ZNF567: variants seen among roughly 807,000 people sequenced by gnomAD.
The protein encoded by ZNF567 is zinc finger protein 567.
A neutral mutation model predicts 53.9 loss-of-function variants in ZNF567; 36 were observed. The observed-to-expected ratio is 0.67, with a 90% CI of 0.51 to 0.88. The LOEUF (loss-of-function observed/expected upper bound fraction) is 0.88, where lower values mean the gene tolerates loss of function less well. Ranked by LOEUF, ZNF567 falls within the 40% of genes least tolerant of loss-of-function variation. The pLI is 0.00. For synonymous variants in ZNF567, 224 were observed against 260.4 expected (o/e 0.86, Z 1.35); for missense variants, 619 against 764.7 (o/e 0.81, Z 2.25).
At position 36,719,846 on chromosome 19, in the gene ZNF567, C is replaced by T; in HGVS notation, c.1122C>T (p.Phe374=). The T allele has an allele frequency of 6.2e-7, 1 of 1,614,052 alleles. No homozygotes were observed. Among genetic ancestry groups the T allele is most frequent in the Non-Finnish European group, 8.5e-7 (1 of 1,180,002 alleles). Residue 374 remains phenylalanine, a synonymous_variant, in exon 6 of 6, where the codon TTC becomes TTT. Coordinates refer to ENST00000682579, the MANE Select transcript of ZNF567 (RefSeq NM_001322917.1). ...PYECNDCGKS[F]RQKTTLSLHQ... ...AGTGTAATGACTGTGGGAAGTCCTT[C>T]CGCCAGAAGACAACACTCTCTCTAC...
the ZNF567 span, among the ~76,000 whole-genome samples, chr19:36,671,042 C>T: frequency 6.6e-6 from 1 of 152,200 alleles, no homozygotes; most frequent in Admixed American, 6.5e-5. Flanking sequence ...GCAGAGGTTG[C>T]AGTGAGCTGA....
intron 1 of ZNF567, among the ~76,000 whole-genome samples, chr19:36,687,861 G>C (rs1279490359): frequency 1.3e-5 from 2 of 152,204 alleles, no homozygotes; most frequent in East Asian, 3.9e-4. Flanking sequence ...GAAGGGAACC[G>C]GTTGCCCGAG....
At chr19:36,676,173 A>C in the ZNF567 span, among the ~76,000 whole-genome samples, 3 of 135,854 alleles carry the variant, frequency 2.2e-5, no homozygotes, top group African/African-American at 8.5e-5. Flanking sequence ...TCAAGCGATT[A>C]TCCTGCCTCA....
the ZNF567 span, among the ~76,000 whole-genome samples, chr19:36,676,784 A>C: frequency 6.6e-6 from 1 of 151,912 alleles, no homozygotes; most frequent in Non-Finnish European, 1.5e-5. Context: ...TTGGAAGGCC[A>C]AGGTTGGGGG....
At position 36,688,854 on chromosome 19, in the gene ZNF567, A is replaced by G. The variant is rs527565510; in HGVS notation, c.-167-543A>G. Among the ~76,000 whole-genome samples, 16 of 150,844 alleles carry G rather than the reference A, an allele frequency of 1.1e-4. No individual in the cohort carries two copies. The South Asian group carries it at 3.4e-3, about 32-fold the overall frequency. The stretch of plus-strand genomic sequence containing the variant: ...CCATGCGCGGTGGCTCACGCCTGCA[A>G]TCCCAGCACTTTGGGAGGCTGGGGC... On this transcript the variant is annotated intron_variant, in intron 1 of 5. Coordinates refer to ENST00000682579, the MANE Select transcript of ZNF567 (RefSeq NM_001322917.1).
chr19:36,683,931 T>A (rs1337380594), upstream of ZNF567, among the ~76,000 whole-genome samples: 1 of 152,200 alleles, frequency 6.6e-6, no homozygotes, highest in Non-Finnish European at 1.5e-5. Flanking sequence ...TGGTGCAAAC[T>A]TAATCAGGGC....
At chr19:36,685,249 C>T (rs2038243093), upstream of ZNF567, among the ~76,000 whole-genome samples, 1 of 152,200 alleles carries the variant, frequency 6.6e-6, no homozygotes, top group Admixed American at 6.5e-5. Context: ...GATCACGCCA[C>T]TGCACTCCAG....
At chr19:36,667,074 G>A in the ZNF567 span, among the ~76,000 whole-genome samples, 1 of 152,332 alleles carries the variant, frequency 6.6e-6, no homozygotes, top group East Asian at 1.9e-4. Context: ...CGCGGGCTGT[G>A]GCTGAAGATA....
At chr19:36,726,471 A>C (rs1464578987), downstream of ZNF567, among the ~76,000 whole-genome samples, 5 of 151,940 alleles carry the variant, frequency 3.3e-5, no homozygotes, top group African/African-American at 1.2e-4. Flanking sequence ...CAGATTTCCC[A>C]CTCACCTTCT....
rs779395014 is a variant in ZNF567 at position 36,719,610 on chromosome 19, C to G, written c.886C>G (p.Leu296Val). 1.2e-5 allele frequency: 19 copies of G among 1,614,040 alleles called. No individual in the cohort carries two copies. In the South Asian group the frequency reaches 2.0e-4, roughly 17 times the overall value. Reference protein sequence around the residue: ...CGNAFRRKSYLIDHQRTHTGE... With the variant: ...CGNAFRRKSYVIDHQRTHTGE... Reference sequence around the variant, plus strand: ...AAATGCATTTAGAAGGAAATCATATCTCATTGATCATCAGAGAACTCACAC... The same window carrying G: ...AAATGCATTTAGAAGGAAATCATATGTCATTGATCATCAGAGAACTCACAC... The change falls in exon 6 of 6, where the codon CTC becomes GTC. Residue 296 changes from leucine (L) to valine (V), a missense_variant. Coordinates refer to ENST00000682579, the MANE Select transcript of ZNF567 (RefSeq NM_001322917.1).
chr19:36,674,842 C>G, the ZNF567 span, among the ~76,000 whole-genome samples: 1 of 152,082 alleles, frequency 6.6e-6, no homozygotes, highest in Non-Finnish European at 1.5e-5. Flanking sequence ...CAACTTCTTC[C>G]TCCTGGGCTC....
chr19:36,684,305 C>T (rs1312885014), upstream of ZNF567, among the ~76,000 whole-genome samples: 1 of 152,088 alleles, frequency 6.6e-6, no homozygotes. Flanking sequence ...ATAAAGTGTT[C>T]AAAGTGCTTT....
At chr19:36,690,816 C>T (rs1285439706) in intron 2 of ZNF567, among the ~76,000 whole-genome samples, 1 of 152,058 alleles carries the variant, frequency 6.6e-6, no homozygotes, top group African/African-American at 2.4e-5. Flanking sequence ...TAAATTATAT[C>T]TCAATGCTGT....
downstream of ZNF567, among the ~76,000 whole-genome samples, chr19:36,724,918 T>A (rs911866601): frequency 2.0e-5 from 3 of 152,028 alleles, no homozygotes; most frequent in Non-Finnish European, 4.4e-5. Context: ...CTTCAAAAAA[T>A]TTTTTGAATT....
At chr19:36,692,293 AAC>A (rs1330451334) in intron 2 of ZNF567, among the ~76,000 whole-genome samples, 3 of 152,234 alleles carry the variant, frequency 2.0e-5, no homozygotes, top group African/African-American at 7.2e-5. Flanking sequence ...AAATGGTAAA[AAC>A]ACGCACATAA....
the ZNF567 span, among the ~76,000 whole-genome samples, chr19:36,667,363 G>A: frequency 6.6e-6 from 1 of 151,834 alleles, no homozygotes; most frequent in African/African-American, 2.4e-5. Context: ...TTAGCCGGGC[G>A]TGATGGCGCA....
At chr19:36,699,193 G>T (rs2039045318) in intron 3 of ZNF567, among the ~76,000 whole-genome samples, 2 of 151,980 alleles carry the variant, frequency 1.3e-5, no homozygotes, top group African/African-American at 2.4e-5. Context: ...TTTCCCCATT[G>T]CTTGTTTTTC....
At chr19:36,683,722 C>T (rs139397726), upstream of ZNF567, among the ~76,000 whole-genome samples, 2,874 of 152,174 alleles carry the variant, frequency 0.019, 70 homozygotes, top group African/African-American at 0.064. Flanking sequence ...GTCCCAGCTA[C>T]TTGGGAGGCT....
the ZNF567 span, among the ~76,000 whole-genome samples, chr19:36,679,946 G>A: frequency 6.6e-6 from 1 of 152,066 alleles, no homozygotes; most frequent in African/African-American, 2.4e-5. Context: ...TTACTGTATT[G>A]TATATTTCAA....
Sources: gnomAD v4.1 joint callset for allele counts (sites outside exome capture counted in the v4.1 genomes callset) on GRCh38, gnomAD v4.1.1 for gene constraint, MANE v1.5 for transcripts, NCBI Gene and HGNC (gene_info 2026-07-23, HGNC 2026-07-21) for gene names.